AKAP13: variants seen among roughly 807,000 people sequenced by gnomAD.
The protein encoded by AKAP13 is A-kinase anchoring protein 13.
Under a neutral mutation model 264.5 loss-of-function variants are expected in AKAP13, and 80 were observed. The observed-to-expected ratio is 0.30, with a 90% CI of 0.25 to 0.36. The LOEUF (loss-of-function observed/expected upper bound fraction) is 0.36. Ranked by LOEUF, AKAP13 falls within the 10% of genes least tolerant of loss-of-function variation. The pLI is 1.00. For synonymous variants in AKAP13, 1,380 were observed against 1,250.2 expected (o/e 1.10, Z -2.19); for missense variants, 3,712 against 3,435.2 (o/e 1.08, Z -2.01).
intron 8 of AKAP13, among the ~76,000 whole-genome samples, chr15:85,611,304 A>G (rs1474669608): frequency 2.0e-5 from 3 of 152,170 alleles, no homozygotes; most frequent in Non-Finnish European, 4.4e-5. Context: ...GGCTCTGCTC[A>G]GATATCTCTG....
intron 8 of AKAP13, among the ~76,000 whole-genome samples, chr15:85,612,860 G>A (rs1175520190): frequency 1.3e-5 from 2 of 151,452 alleles, no homozygotes; most frequent in African/African-American, 2.4e-5. Context: ...AAAAGTAAAT[G>A]TGGAGAGAAC....
intron 1 of AKAP13, among the ~76,000 whole-genome samples, chr15:85,396,124 A>T (rs574837238): frequency 6.6e-5 from 10 of 152,160 alleles, no homozygotes; most frequent in African/African-American, 2.4e-4. Flanking sequence ...ACAGATGTTT[A>T]TTTTTTCTTT....
chr15:85,473,441 A>G (rs1389003736), intron 1 of AKAP13, among the ~76,000 whole-genome samples: 2 of 152,244 alleles, frequency 1.3e-5, no homozygotes, highest in Non-Finnish European at 2.9e-5. Flanking sequence ...AGAATGAACT[A>G]TAAAAAGTCC....
intron 25 of AKAP13, among the ~76,000 whole-genome samples, chr15:85,722,664 A>C (rs1168428575): frequency 6.6e-6 from 1 of 152,006 alleles, no homozygotes; most frequent in Non-Finnish European, 1.5e-5. Flanking sequence ...GCTGTTTTTC[A>C]CTTAATCAGT....
chr15:85,482,899 C>A (rs558001723), intron 1 of AKAP13, among the ~76,000 whole-genome samples: 7 of 152,310 alleles, frequency 4.6e-5, no homozygotes, highest in East Asian at 1.9e-4. Flanking sequence ...TTGACAGATA[C>A]ATTCTTTTCA....
intron 8 of AKAP13, among the ~76,000 whole-genome samples, chr15:85,608,143 T>TGAA (rs57871755): frequency 6.6e-6 from 1 of 151,166 alleles, no homozygotes; most frequent in African/African-American, 2.4e-5. Context: ...CTATTCTTTT[T>TGAA]TTGAAGAGAA....
intron 8 of AKAP13, among the ~76,000 whole-genome samples, chr15:85,631,552 A>ACACT (rs2081827330): frequency 6.9e-6 from 1 of 145,094 alleles, no homozygotes; most frequent in South Asian, 2.2e-4. Flanking sequence ...ACACACACAC[A>ACACT]CTAAATGCAA....
At chr15:85,491,540 A>T (rs926466365) in intron 2 of AKAP13, among the ~76,000 whole-genome samples, 1 of 116,324 alleles carries the variant, frequency 8.6e-6, no homozygotes, top group Non-Finnish European at 2.0e-5. Context: ...TTTTATATAT[A>T]ATATATATAT....
intron 1 of AKAP13, among the ~76,000 whole-genome samples, chr15:85,418,593 A>T (rs558411030): frequency 6.6e-6 from 1 of 152,208 alleles, no homozygotes; most frequent in African/African-American, 2.4e-5. Flanking sequence ...CATGTTGTTG[A>T]ATTATTTAAG....
At position 85,580,642 on chromosome 15, in the gene AKAP13, C is replaced by A; in HGVS notation, c.2574C>A (p.His858Gln). Residue 858 changes from histidine to glutamine, a missense_variant, in exon 7 of 37, where the codon CAC becomes CAA. His to Gln is a conservative substitution (Grantham distance 24). Around this residue, in one of 3 missense-constraint regions of AKAP13, gnomAD observed 2,759 missense variants for 2,411.7 expected, o/e 1.14. Transcript: ENST00000394518. ...STSSTAAELQ[H>Q]GMGNTSLTGL... is the part of the protein sequence containing the mutation. The stretch of plus-strand genomic sequence containing the variant: ...CCTCCACTGCTGCAGAGCTTCAGCA[C>A]GGGATGGGGAATACCAGTCTCACAG... 2 of 1,614,186 alleles carry A rather than the reference C, an allele frequency of 1.2e-6. No individual in the cohort carries two copies. The highest frequency in any genetic ancestry group is 8.5e-7 in the Non-Finnish European group (1 of 1,180,026).
intron 4 of AKAP13, among the ~76,000 whole-genome samples, chr15:85,537,800 T>A (rs1199370380): frequency 6.6e-6 from 1 of 152,236 alleles, no homozygotes; most frequent in Non-Finnish European, 1.5e-5. Flanking sequence ...TGTGTGCTAG[T>A]TTATAAGCTA....
intron 3 of AKAP13, among the ~76,000 whole-genome samples, chr15:85,522,878 C>T (rs2151159805): frequency 6.6e-6 from 1 of 151,576 alleles, no homozygotes; most frequent in Admixed American, 6.6e-5. Flanking sequence ...AGTATTTTTC[C>T]ATCATGCTTA....
At chr15:85,693,239 G>A (rs1001569133) in intron 16 of AKAP13, 38 bp from the exon 17 acceptor site, 3 of 1,551,318 alleles carry the variant, frequency 1.9e-6, no homozygotes, top group South Asian at 1.2e-5. Context: ...GCCCTCCAGT[G>A]TTCAATTAAC....
At chr15:85,545,915 A>G (rs563763758) in intron 5 of AKAP13, among the ~76,000 whole-genome samples, 1 of 152,338 alleles carries the variant, frequency 6.6e-6, no homozygotes, top group South Asian at 2.1e-4. Context: ...TACCATCACA[A>G]CACTCACAGA....
chr15:85,668,559 A>G lies in AKAP13; in HGVS notation c.4993-1163A>G, dbSNP rs548475339. On this transcript the variant is annotated intron_variant, in intron 13 of 36. Transcript: ENST00000394518. ...AGAATCACTATCATCTTAGAAGAGGATAGGGAAGAGATTTAGGCTTCTTTC... is the reference window on the plus strand; with the variant it reads ...AGAATCACTATCATCTTAGAAGAGGGTAGGGAAGAGATTTAGGCTTCTTTC... Among the ~76,000 whole-genome samples the G allele has an allele frequency of 2.3e-4, 35 of 152,336 alleles. 1 individual carries two copies. In the South Asian group the frequency reaches 6.6e-3, roughly 29 times the overall value.
At chr15:85,436,295 A>G (rs1596164253) in intron 1 of AKAP13, among the ~76,000 whole-genome samples, 1 of 94,606 alleles carries the variant, frequency 1.1e-5, no homozygotes, top group Non-Finnish European at 2.1e-5. Flanking sequence ...CACCCAATAC[A>G]GGAGCACCCA....
chr15:85,561,051 ATTTTTT>A (rs11311086), intron 5 of AKAP13, among the ~76,000 whole-genome samples: 2 of 109,512 alleles, frequency 1.8e-5, no homozygotes, highest in Non-Finnish European at 1.8e-5. Context: ...GGATGTAAGG[ATTTTTT>A]TTTTTTTTTT....
intron 8 of AKAP13, among the ~76,000 whole-genome samples, chr15:85,622,700 A>G (rs1382536): frequency 0.62 from 93,839 of 151,490 alleles, 29,186 homozygotes; most frequent in Middle Eastern, 0.74. Flanking sequence ...CATTTTACGT[A>G]CAGGAAAACA....
intron 17 of AKAP13, among the ~76,000 whole-genome samples, chr15:85,697,100 A>T (rs1268227378): frequency 6.6e-6 from 1 of 152,220 alleles, no homozygotes; most frequent in Admixed American, 6.5e-5. Flanking sequence ...CCCAGCCTGT[A>T]GCAGATGTAG....
Sources: allele counts gnomAD v4.1 joint callset (sites outside exome capture counted in the v4.1 genomes callset), GRCh38; gene constraint gnomAD v4.1.1; regional missense constraint gnomAD v4.1.1; transcripts MANE v1.5; gene names NCBI Gene and HGNC (gene_info 2026-07-23, HGNC 2026-07-21).